CNTN4: variants seen among roughly 807,000 people sequenced by gnomAD.
CNTN4 encodes the protein contactin-4.
CNTN4 carries 77 observed loss-of-function variants against 122.5 expected under a neutral mutation model. That is an observed-to-expected ratio of 0.63 (90% CI 0.52 to 0.76). CNTN4 has a LOEUF of 0.76. CNTN4 is among the 30% of genes least tolerant of loss of function. The pLI is 0.00. For missense variants in CNTN4, 1,256 were observed against 1,259.1 expected, an observed-to-expected ratio of 1.00 and a Z score of 0.04; for synonymous variants, 512 against 447.0, an observed-to-expected ratio of 1.15 and a Z score of -1.83.
At chr3:2,679,633 A>G (rs987987739) in intron 4 of CNTN4, among the ~76,000 whole-genome samples, 1 of 152,218 alleles carries the variant, frequency 6.6e-6, no homozygotes, top group Non-Finnish European at 1.5e-5. Context: ...CACCCTGAGC[A>G]GGTCATCTGG....
intron 2 of CNTN4, among the ~76,000 whole-genome samples, chr3:2,101,239 C>T (rs1000900534): frequency 1.3e-5 from 2 of 152,284 alleles, no homozygotes; most frequent in Admixed American, 6.5e-5. Context: ...CCGATCTAAG[C>T]ACTAAATCTT....
rs191773862 is a variant in CNTN4 at position 2,636,794 on chromosome 3, A to G, written c.55+65236A>G. Among the ~76,000 whole-genome samples the G allele has an allele frequency of 2.5e-3, 380 of 152,296 alleles. 1 individual carries two copies. Among genetic ancestry groups the G allele is most frequent in the African/African-American group, 8.6e-3 (359 of 41,564 alleles). Reference sequence around the variant, plus strand: ...ATTTGCTGCTGAAGGACAAAACAGTATTAACTATCTCAAAGGCAGTGGCTT... The same window carrying G: ...ATTTGCTGCTGAAGGACAAAACAGTGTTAACTATCTCAAAGGCAGTGGCTT... On this transcript the variant is annotated intron_variant, in intron 4 of 24. Coordinates refer to ENST00000418658, the MANE Select transcript of CNTN4 (RefSeq NM_175607.3).
intron 3 of CNTN4, among the ~76,000 whole-genome samples, chr3:2,371,947 T>C (rs2045647694): frequency 6.6e-6 from 1 of 152,228 alleles, no homozygotes; most frequent in African/African-American, 2.4e-5. Flanking sequence ...TATACAAATA[T>C]ATTTTCAGTA....
chr3:3,046,295 T>G (rs1248685869), intron 23 of CNTN4, among the ~76,000 whole-genome samples: 2 of 152,046 alleles, frequency 1.3e-5, no homozygotes, highest in Admixed American at 1.3e-4. Flanking sequence ...AAGATAGTCC[T>G]CGAGAAGAGC....
At chr3:2,861,400 A>G (rs1028016067) in intron 7 of CNTN4, among the ~76,000 whole-genome samples, 1 of 152,180 alleles carries the variant, frequency 6.6e-6, no homozygotes, top group South Asian at 2.1e-4. Context: ...TATTTGACCA[A>G]CAAAGGAACC....
At chr3:2,898,197 C>G (rs1013824784) in intron 10 of CNTN4, among the ~76,000 whole-genome samples, 1 of 152,184 alleles carries the variant, frequency 6.6e-6, no homozygotes, top group South Asian at 2.1e-4. Context: ...TAGACTGTCT[C>G]TCTTTGTCAC....
At chr3:2,267,989 T>G (rs1274442770) in intron 2 of CNTN4, among the ~76,000 whole-genome samples, 2 of 152,092 alleles carry the variant, frequency 1.3e-5, no homozygotes, top group East Asian at 3.9e-4. Context: ...ATGGCAGCAG[T>G]AGACAGAAGG....
chr3:2,561,361 C>G (rs184962755), intron 3 of CNTN4, among the ~76,000 whole-genome samples: 4 of 152,240 alleles, frequency 2.6e-5, no homozygotes, highest in Admixed American at 1.3e-4. Flanking sequence ...GTGATAGAAG[C>G]TTTAAGAGTT....
chr3:3,052,736 G>A (rs761376913), intron 23 of CNTN4, among the ~76,000 whole-genome samples: 1 of 152,178 alleles, frequency 6.6e-6, no homozygotes, highest in South Asian at 2.1e-4. Context: ...GATGAAAACA[G>A]GACTGTTGCA....
intron 11 of CNTN4, among the ~76,000 whole-genome samples, chr3:2,901,232 G>A (rs1025277025): frequency 6.6e-6 from 1 of 152,208 alleles, no homozygotes; most frequent in African/African-American, 2.4e-5. Flanking sequence ...AGCAGGGGTA[G>A]AGCGGAGACC....
chr3:2,886,515 T>A (rs1336236039), intron 9 of CNTN4, among the ~76,000 whole-genome samples: 8 of 146,876 alleles, frequency 5.4e-5, no homozygotes, highest in Non-Finnish European at 9.0e-5. Context: ...ATAGATCACT[T>A]TTTTTTTTTT....
Position 2,287,675 on chromosome 3 carries a change from AGAAGAAGAAGAAGAAGAG to A in CNTN4, c.-144-51467_-144-51450del, listed in dbSNP as rs1559415530. Among the ~76,000 whole-genome samples the A allele has an allele frequency of 1.8e-3, 145 of 80,000 alleles. 1 individual carries two copies. Among genetic ancestry groups the A allele is most frequent in the Middle Eastern group, 5.9e-3 (1 of 170 alleles). The allele number at this position is 80,000 out of a possible 152,430, so 52.5% of individuals were successfully genotyped here. A position where few individuals can be genotyped will look rare whatever the true frequency, so the allele number is the denominator to read the frequency against. On this transcript the variant is annotated intron_variant, in intron 2 of 24. Coordinates refer to ENST00000418658, the MANE Select transcript of CNTN4 (RefSeq NM_175607.3). ...AAGAAGAAGAAGAAGAAGAAGAAGA[AGAAGAAGAAGAAGAAGAG>A]GAAGAAGAAGAAGAAGAGGAAGAAG...
chr3:2,903,036 T>G lies in CNTN4; in HGVS notation c.1207+31T>G, dbSNP rs752906324. 3.8e-6 allele frequency: 6 copies of G among 1,597,964 alleles called. No individual in the cohort carries two copies. The Admixed American group carries it at 1.0e-4, about 27-fold the overall frequency. ...TCTTTATACTGGCAAGAAAAAAAAA[T>G]TAAAACTCTTTAGATCACTAAACTA... is the stretch of plus-strand genomic sequence containing the variant. On this transcript the variant is annotated intron_variant, in intron 12 of 24. Transcript: ENST00000418658.
intron 3 of CNTN4, among the ~76,000 whole-genome samples, chr3:2,342,679 T>G (rs998956498): frequency 6.6e-6 from 1 of 152,184 alleles, no homozygotes; most frequent in African/African-American, 2.4e-5. Flanking sequence ...TCACTATTCT[T>G]CCTGCTGCCA....
chr3:2,137,751 T>C (rs1030449108), intron 2 of CNTN4, among the ~76,000 whole-genome samples: 12 of 152,136 alleles, frequency 7.9e-5, no homozygotes, highest in Non-Finnish European at 1.5e-4. Context: ...AGAAGGGAGA[T>C]AGGGCAGTCA....
intron 3 of CNTN4, among the ~76,000 whole-genome samples, chr3:2,360,018 G>A (rs1357275890): frequency 6.6e-6 from 1 of 152,150 alleles, no homozygotes; most frequent in African/African-American, 2.4e-5. Context: ...TACAGACTTA[G>A]AAGGAAAAAA....
chr3:2,786,437 C>T (rs1323907720), intron 6 of CNTN4, among the ~76,000 whole-genome samples: 2 of 152,212 alleles, frequency 1.3e-5, no homozygotes, highest in Non-Finnish European at 2.9e-5. Context: ...CCAGCCTCTG[C>T]ACCTGCTTAC....
intron 6 of CNTN4, among the ~76,000 whole-genome samples, chr3:2,786,348 G>A (rs556584062): frequency 2.0e-5 from 3 of 152,276 alleles, no homozygotes; most frequent in Admixed American, 6.5e-5. Context: ...CCGGGGCTCC[G>A]GGGCCACAGG....
chr3:2,678,916 G>C (rs1301964132), intron 4 of CNTN4, among the ~76,000 whole-genome samples: 1 of 61,668 alleles, frequency 1.6e-5, no homozygotes, highest in East Asian at 4.2e-4. Context: ...GGATGATCAA[G>C]GGGTAAAAGT....
Sources: allele counts gnomAD v4.1 joint callset (sites outside exome capture counted in the v4.1 genomes callset), GRCh38; gene constraint gnomAD v4.1.1; transcripts MANE v1.5; gene names NCBI Gene and HGNC (gene_info 2026-07-23, HGNC 2026-07-21).